Variants in SLC7A7 observed in about 807,000 individuals in gnomAD.
The protein encoded by SLC7A7 is solute carrier family 7 member 7.
Under a neutral mutation model 47.9 loss-of-function variants are expected in SLC7A7, and 39 were observed. That is an observed-to-expected ratio of 0.81 (90% CI 0.63 to 1.06). The LOEUF (loss-of-function observed/expected upper bound fraction) is 1.06, where lower values mean the gene tolerates loss of function less well. Ranked by LOEUF, SLC7A7 falls within the 50% of genes least tolerant of loss-of-function variation. The probability of loss-of-function intolerance (pLI) is 0.00; values close to 1 mark genes in which losing one functional copy is unlikely to be tolerated. For synonymous variants in SLC7A7, 234 were observed against 242.8 expected (o/e 0.96, Z 0.34); for missense variants, 588 against 632.0 (o/e 0.93, Z 0.75).
chr14:22,775,997 G>A, intron 5 of SLC7A7, 61 bp from the exon 6 acceptor site: 2 of 1,466,654 alleles, frequency 1.4e-6, no homozygotes, highest in Non-Finnish European at 1.9e-6. Context: ...GACATGGATG[G>A]GCATGCCCCC....
rs888590823 is a variant in SLC7A7 at position 22,788,064 on chromosome 14, G to C, written c.500-8013C>G. On this transcript the variant is annotated intron_variant, in intron 2 of 9. Transcript: ENST00000674313. ...CTCCAGCCTGGGTGACAGAGCGAGA[G>C]TTCGTCTCAAAAAAAAAAAAATTAA... Among the ~76,000 whole-genome samples the C allele has an allele frequency of 3.3e-5, 5 of 151,284 alleles. No individual in the cohort carries two copies. In the East Asian group the frequency reaches 5.8e-4, roughly 18 times the overall value.
intron 2 of SLC7A7, among the ~76,000 whole-genome samples, chr14:22,786,161 T>C (rs935034049): frequency 2.0e-5 from 3 of 147,174 alleles, no homozygotes; most frequent in African/African-American, 7.6e-5. Context: ...TCTACTAAAA[T>C]ACAAAAATTA....
chr14:22,776,029 C>A (rs887488476), intron 5 of SLC7A7, 93 bp from the exon 6 acceptor site: 7 of 1,418,156 alleles, frequency 4.9e-6, no homozygotes, highest in Non-Finnish European at 7.0e-6. Flanking sequence ...ATTAGGTATT[C>A]CAACCTTTCT....
chr14:22,777,943 C>A (rs540898837), intron 4 of SLC7A7, among the ~76,000 whole-genome samples: 1 of 152,250 alleles, frequency 6.6e-6, no homozygotes, highest in East Asian at 1.9e-4. Flanking sequence ...GGCGTGGTGG[C>A]AGGCACCTGT....
chr14:22,778,764 C>T (rs1158159198), intron 4 of SLC7A7, 29 bp downstream of exon 4: 2 of 1,610,218 alleles, frequency 1.2e-6, no homozygotes, highest in African/African-American at 1.3e-5. Flanking sequence ...GCTATCACTG[C>T]TATGGAAAGT....
chr14:22,799,448 CTTT>C (rs56375225), intron 2 of SLC7A7, among the ~76,000 whole-genome samples: 67 of 76,182 alleles, frequency 8.8e-4, no homozygotes, highest in Middle Eastern at 0.014. Flanking sequence ...TTTTTTCTTT[CTTT>C]TTTTTTTTTT....
At position 22,802,966 on chromosome 14, in the gene SLC7A7, C is replaced by A. The variant is rs116266840; in HGVS notation, c.499+9934G>T. ...TTCCCTGTGCCTAAAACGTCCTGCC[C>A]CCTTCTTCATTCAACATACAATTAT... is the stretch of plus-strand genomic sequence containing the variant. On this transcript the variant is annotated intron_variant, in intron 2 of 9. Coordinates refer to ENST00000674313, the MANE Select transcript of SLC7A7 (RefSeq NM_003982.4). Among the ~76,000 whole-genome samples the A allele has an allele frequency of 6.1e-3, 933 of 152,188 alleles. 8 individuals carry two copies. Among genetic ancestry groups the A allele is most frequent in the African/African-American group, 0.021 (886 of 41,490 alleles).
At chr14:22,783,607 G>A (rs928248841) in intron 2 of SLC7A7, among the ~76,000 whole-genome samples, 1 of 151,700 alleles carries the variant, frequency 6.6e-6, no homozygotes, top group African/African-American at 2.4e-5. Context: ...CGCCATGTTA[G>A]CCAGACTAGT....
chr14:22,786,254 G>A (rs910964017), intron 2 of SLC7A7, among the ~76,000 whole-genome samples: 1 of 151,326 alleles, frequency 6.6e-6, no homozygotes, highest in African/African-American at 2.4e-5. Flanking sequence ...GGAGGCAGAG[G>A]TTGCAGTGGG....
At chr14:22,787,253 T>G (rs532236744) in intron 2 of SLC7A7, among the ~76,000 whole-genome samples, 30 of 150,868 alleles carry the variant, frequency 2.0e-4, no homozygotes, top group Admixed American at 7.3e-4. Context: ...TTGGCCAACA[T>G]AGTGAAACCC....
intron 2 of SLC7A7, among the ~76,000 whole-genome samples, chr14:22,786,780 T>C (rs779422437): frequency 4.0e-5 from 6 of 151,772 alleles, no homozygotes; most frequent in Non-Finnish European, 5.9e-5. Flanking sequence ...CAAAACATTT[T>C]TTTTAGTTAG....
At chr14:22,812,650 A>G (rs535409257) in intron 2 of SLC7A7, among the ~76,000 whole-genome samples, 1 of 151,638 alleles carries the variant, frequency 6.6e-6, no homozygotes, top group South Asian at 2.1e-4. Flanking sequence ...AAAAAAAAAA[A>G]AAAAAAATCA....
In SLC7A7 at chr14:22,773,486, A is replaced by C. The variant is rs1215937632; in HGVS notation, c.*124T>G. ...TTTCAAAAAGTAAGTTCAAAGGTTG[A>C]AGCTGCCTAGGCCAGGCTTCTGGAC... On this transcript the variant is annotated 3_prime_UTR_variant, in exon 10 of 10. Coordinates refer to ENST00000674313, the MANE Select transcript of SLC7A7 (RefSeq NM_003982.4). 1.3e-6 allele frequency: 1 copy of C among 793,272 alleles called. No homozygotes were observed. The highest frequency in any genetic ancestry group is 2.6e-5 in the East Asian group (1 of 38,936). 49.1% of individuals were successfully genotyped at this position (793,272 alleles called of 1,614,324 possible).
chr14:22,797,796 G>A (rs2039044305), intron 2 of SLC7A7, among the ~76,000 whole-genome samples: 4 of 152,164 alleles, frequency 2.6e-5, no homozygotes, highest in Admixed American at 6.6e-5. Flanking sequence ...TGATTTCAAG[G>A]TCTATTAGTA....
At chr14:22,817,768 A>G (rs4982683), upstream of SLC7A7, among the ~76,000 whole-genome samples, 67,203 of 152,046 alleles carry the variant, frequency 0.44, 14,984 homozygotes, top group East Asian at 0.6. Flanking sequence ...TGAGCCACCG[A>G]TGCCACCTTA....
intron 2 of SLC7A7, among the ~76,000 whole-genome samples, chr14:22,798,192 G>A (rs2039050654): frequency 6.6e-6 from 1 of 152,134 alleles, no homozygotes; most frequent in Non-Finnish European, 1.5e-5. Context: ...AGCTACTCGG[G>A]AGGCTGAGGC....
intron 2 of SLC7A7, among the ~76,000 whole-genome samples, chr14:22,805,350 G>C (rs1277076327): frequency 4.6e-5 from 7 of 152,184 alleles, no homozygotes; most frequent in Admixed American, 3.9e-4. Context: ...AGGTGACAGA[G>C]CAAGACTCAG....
intron 2 of SLC7A7, among the ~76,000 whole-genome samples, chr14:22,789,516 T>C (rs1320632795): frequency 6.6e-6 from 1 of 151,060 alleles, no homozygotes; most frequent in East Asian, 1.9e-4. Context: ...TAATCCCAGC[T>C]ACTCAGGAGG....
intron 2 of SLC7A7, among the ~76,000 whole-genome samples, chr14:22,791,709 T>C (rs899602028): frequency 2.4e-4 from 36 of 152,142 alleles, no homozygotes; most frequent in African/African-American, 8.2e-4. Flanking sequence ...GGTCCAGATA[T>C]AAGCTCTCTG....
Sources: allele counts gnomAD v4.1 joint callset (sites outside exome capture counted in the v4.1 genomes callset), GRCh38; gene constraint gnomAD v4.1.1; transcripts MANE v1.5; gene names NCBI Gene and HGNC (gene_info 2026-07-23, HGNC 2026-07-21).